Variants in TENM3 observed in about 807,000 individuals in gnomAD.
TENM3 encodes teneurin transmembrane protein 3.
Under a neutral mutation model 255.1 loss-of-function variants are expected in TENM3, and 63 were observed. The observed-to-expected ratio is 0.25, with a 90% CI of 0.20 to 0.30. The LOEUF is 0.30. TENM3 is among the 10% of genes least tolerant of loss of function. The pLI is 1.00. For synonymous variants in TENM3, 1,306 were observed against 1,322.3 expected (o/e 0.99, Z 0.27); for missense variants, 2,929 against 3,461.1 (o/e 0.85, Z 3.86).
intron 3 of TENM3, among the ~76,000 whole-genome samples, chr4:182,397,422 A>AAAAAAAAAAAAAAC (rs1768913480): frequency 6.7e-6 from 1 of 149,812 alleles, no homozygotes; most frequent in Non-Finnish European, 1.5e-5. Context: ...AAAAAAAAAA[A>AAAAAAAAAAAAAAC]AAAAAAATCA....
the TENM3 span, among the ~76,000 whole-genome samples, chr4:181,986,515 A>C: frequency 3.0e-4 from 46 of 151,972 alleles, no homozygotes; most frequent in Non-Finnish European, 8.8e-5. Context: ...CTCATATCCA[A>C]GTCTGGTGGG....
At chr4:181,643,938 G>A in the TENM3 span, among the ~76,000 whole-genome samples, 6 of 151,920 alleles carry the variant, frequency 3.9e-5, no homozygotes, top group East Asian at 3.9e-4. Flanking sequence ...TTAGCCAGGC[G>A]TGTTGCATGG....
chr4:182,452,036 AATATG>A (rs1352983919), intron 3 of TENM3, among the ~76,000 whole-genome samples: 1 of 152,218 alleles, frequency 6.6e-6, no homozygotes, highest in Non-Finnish European at 1.5e-5. Flanking sequence ...ATTTCACACT[AATATG>A]ATATATTAAT....
chr4:182,497,427 C>A (rs1286829521), intron 3 of TENM3, among the ~76,000 whole-genome samples: 1 of 152,112 alleles, frequency 6.6e-6, no homozygotes, highest in African/African-American at 2.4e-5. Context: ...TACTAAATAA[C>A]AAAACAACAA....
the TENM3 span, among the ~76,000 whole-genome samples, chr4:181,984,404 A>T: frequency 6.6e-6 from 1 of 152,120 alleles, no homozygotes; most frequent in Non-Finnish European, 1.5e-5. Flanking sequence ...GTGCAAAAAT[A>T]GTACTATTTT....
the TENM3 span, among the ~76,000 whole-genome samples, chr4:181,528,095 A>G: frequency 6.6e-6 from 1 of 152,102 alleles, no homozygotes; most frequent in South Asian, 2.1e-4. Flanking sequence ...AGGAAAAAAA[A>G]CAGAAATGAA....
At chr4:182,041,728 C>T in the TENM3 span, among the ~76,000 whole-genome samples, 3 of 152,128 alleles carry the variant, frequency 2.0e-5, no homozygotes, top group South Asian at 4.1e-4. Flanking sequence ...CTAAAGACTT[C>T]TTTAAAGAAG....
At chr4:182,109,037 GC>G in the TENM3 span, among the ~76,000 whole-genome samples, 1 of 151,562 alleles carries the variant, frequency 6.6e-6, no homozygotes, top group Admixed American at 6.6e-5. Context: ...AGCATATTAG[GC>G]CTCAATTCTA....
the TENM3 span, among the ~76,000 whole-genome samples, chr4:181,844,493 C>T: frequency 6.6e-6 from 1 of 151,782 alleles, no homozygotes; most frequent in South Asian, 2.1e-4. Flanking sequence ...ACGGTGAAAC[C>T]CCGTCTCTAC....
chr4:182,310,678 T>A (rs1762389083), intron 1 of TENM3, among the ~76,000 whole-genome samples: 1 of 151,794 alleles, frequency 6.6e-6, no homozygotes, highest in African/African-American at 2.4e-5. Flanking sequence ...GGTGTTTTTT[T>A]TTTTCAGGGA....
chr4:181,854,797 T>C, the TENM3 span, among the ~76,000 whole-genome samples: 6 of 152,214 alleles, frequency 3.9e-5, no homozygotes, highest in African/African-American at 1.4e-4. Context: ...CACAAAATGA[T>C]CAATGTCAGT....
the TENM3 span, among the ~76,000 whole-genome samples, chr4:182,005,960 T>G: frequency 2.0e-5 from 3 of 151,890 alleles, no homozygotes; most frequent in Non-Finnish European, 4.4e-5. Context: ...CAGTTCAAGT[T>G]TTTGGGCTGA....
intron 3 of TENM3, among the ~76,000 whole-genome samples, chr4:182,416,097 T>C (rs1174519033): frequency 6.6e-6 from 1 of 152,218 alleles, no homozygotes; most frequent in East Asian, 1.9e-4. Context: ...TGCTATAATA[T>C]TTGTGAAAAT....
intron 2 of TENM3, among the ~76,000 whole-genome samples, chr4:182,327,986 G>A (rs1268642149): frequency 3.3e-5 from 5 of 152,150 alleles, no homozygotes; most frequent in African/African-American, 4.8e-5. Context: ...AACAAGGAAC[G>A]CTGCCCGTGA....
chr4:182,509,615 G>A (rs536237556), intron 3 of TENM3, among the ~76,000 whole-genome samples: 1 of 152,216 alleles, frequency 6.6e-6, no homozygotes, highest in South Asian at 2.1e-4. Flanking sequence ...AGAACAAGAA[G>A]GATAGAATTA....
the TENM3 span, among the ~76,000 whole-genome samples, chr4:181,933,769 T>G: frequency 1.3e-5 from 2 of 152,148 alleles, no homozygotes; most frequent in African/African-American, 2.4e-5. Context: ...TACACTGAAT[T>G]TAATTCTAGC....
At chr4:181,796,546 C>T in the TENM3 span, among the ~76,000 whole-genome samples, 1 of 152,094 alleles carries the variant, frequency 6.6e-6, no homozygotes, top group Admixed American at 6.6e-5. Context: ...CAGGGTTATG[C>T]CAGAGGCAGG....
chr4:182,266,251 T>C (rs1283133006), intron 1 of TENM3, among the ~76,000 whole-genome samples: 1 of 152,256 alleles, frequency 6.6e-6, no homozygotes, highest in East Asian at 1.9e-4. Flanking sequence ...CAATTTTACC[T>C]GCAAGGTATG....
chr4:181,553,745 G>A, the TENM3 span, among the ~76,000 whole-genome samples: 1 of 152,044 alleles, frequency 6.6e-6, no homozygotes, highest in Non-Finnish European at 1.5e-5. Flanking sequence ...CCGGCCAATA[G>A]AAGGGTCTTT....
Sources: allele counts gnomAD v4.1 joint callset (sites outside exome capture counted in the v4.1 genomes callset), GRCh38; gene constraint gnomAD v4.1.1; transcripts MANE v1.5; gene names NCBI Gene and HGNC (gene_info 2026-07-23, HGNC 2026-07-21).